The following CCDC6 variants were observed in gnomAD, a reference collection of about 807,000 sequenced individuals.
The protein encoded by CCDC6 is coiled-coil domain containing 6, also known as coiled-coil domain-containing protein 6.
A neutral mutation model predicts 56.6 loss-of-function variants in CCDC6; 20 were observed. That is an observed-to-expected ratio of 0.35 (90% CI 0.25 to 0.51). The LOEUF is 0.51. Ranked by LOEUF, CCDC6 falls within the 20% of genes least tolerant of loss-of-function variation. The probability of loss-of-function intolerance (pLI) is 0.95; values close to 1 mark genes in which losing one functional copy is unlikely to be tolerated. For missense variants in CCDC6, 367 were observed against 601.1 expected, an observed-to-expected ratio of 0.61 and a Z score of 4.07; for synonymous variants, 241 against 234.4, an observed-to-expected ratio of 1.03 and a Z score of -0.26.
At chr10:59,894,699 AAGGCTATG>A (rs1157446343) in intron 1 of CCDC6, among the ~76,000 whole-genome samples, 1 of 152,132 alleles carries the variant, frequency 6.6e-6, no homozygotes, top group Non-Finnish European at 1.5e-5. Flanking sequence ...GGGAATCCAT[AAGGCTATG>A]CCATGTGAAG....
At chr10:59,858,882 A>G (rs1489541145) in intron 1 of CCDC6, among the ~76,000 whole-genome samples, 1 of 152,130 alleles carries the variant, frequency 6.6e-6, no homozygotes, top group Admixed American at 6.5e-5. Flanking sequence ...CACCCTTTAG[A>G]GGAGGTTTAT....
intron 2 of CCDC6, among the ~76,000 whole-genome samples, chr10:59,843,564 C>A (rs761764423): frequency 6.6e-6 from 1 of 152,116 alleles, no homozygotes; most frequent in South Asian, 2.1e-4. Context: ...GAAGAATCTG[C>A]GAAGTCCATT....
At chr10:59,867,199 A>G (rs1296296278) in intron 1 of CCDC6, among the ~76,000 whole-genome samples, 1 of 152,136 alleles carries the variant, frequency 6.6e-6, no homozygotes, top group Admixed American at 6.5e-5. Flanking sequence ...GCCAACCTGG[A>G]GGTTCACATC....
In CCDC6 at chr10:59,788,991, T is replaced by C. The variant is rs2070443438; in HGVS notation, c.*3926A>G. ...CACAGATATGCAGAGGCAAAAGGCA[T>C]GCTAGCGCTTGGCTCTCCTCTTTTC... is the stretch of plus-strand genomic sequence containing the variant. On this transcript the variant is annotated 3_prime_UTR_variant, in exon 9 of 9. Transcript: ENST00000263102. The C allele has an allele frequency of 1.8e-5, 4 of 219,838 alleles. No individual in the cohort carries two copies. In the South Asian group the frequency reaches 5.6e-4, roughly 31 times the overall value. The allele number at this position is 219,838 out of a possible 1,614,324, so 13.6% of individuals were successfully genotyped here. A position where few individuals can be genotyped will look rare whatever the true frequency, so the allele number is the denominator to read the frequency against.
Position 59,808,209 on chromosome 10 carries a change from G to A in CCDC6, c.848-1131C>T, listed in dbSNP as rs1179634460. Among the ~76,000 whole-genome samples the A allele has an allele frequency of 2.0e-5, 3 of 152,062 alleles. No individual in the cohort carries two copies. The East Asian group carries it at 5.8e-4, about 29-fold the overall frequency. ...TGACTAGCCCTGGCACTAGCTGTTG[G>A]ACCCAGGCTGAGCCACTTAGACTAC... On this transcript the variant is annotated intron_variant, in intron 5 of 8. Transcript: ENST00000263102.
intron 1 of CCDC6, among the ~76,000 whole-genome samples, chr10:59,890,798 T>C (rs922379274): frequency 6.6e-6 from 1 of 152,176 alleles, no homozygotes; most frequent in African/African-American, 2.4e-5. Context: ...TTGTTGCATA[T>C]GTATACATGT....
chr10:59,806,629 T>TA, intron 6 of CCDC6: 1 of 321,594 alleles, frequency 3.1e-6, no homozygotes, highest in Non-Finnish European at 5.8e-6. Flanking sequence ...TGGATTAAAC[T>TA]AATTCAACAA....
At chr10:59,885,424 A>G (rs975110550) in intron 1 of CCDC6, among the ~76,000 whole-genome samples, 5 of 152,162 alleles carry the variant, frequency 3.3e-5, no homozygotes, top group Non-Finnish European at 7.3e-5. Context: ...TGGTCCCCCG[A>G]ATTTAAAAAC....
chr10:59,847,549 C>A (rs1380227056), intron 2 of CCDC6, among the ~76,000 whole-genome samples: 2 of 152,088 alleles, frequency 1.3e-5, no homozygotes, highest in Non-Finnish European at 2.9e-5. Flanking sequence ...GCACTGCTGC[C>A]CATGACAAAG....
At chr10:59,846,945 G>A (rs1043592979) in intron 2 of CCDC6, among the ~76,000 whole-genome samples, 1 of 152,206 alleles carries the variant, frequency 6.6e-6, no homozygotes, top group Non-Finnish European at 1.5e-5. Flanking sequence ...AAGCAGGTGG[G>A]AAAATCCACA....
intron 1 of CCDC6, among the ~76,000 whole-genome samples, chr10:59,905,883 C>G (rs745997521): frequency 3.3e-5 from 5 of 152,210 alleles, no homozygotes; most frequent in Non-Finnish European, 7.3e-5. Context: ...GAATGGTTGC[C>G]ACAGTAGCCT....
rs949631538 is a variant in CCDC6 at position 59,789,754 on chromosome 10, T to G, written c.*3163A>C. On this transcript the variant is annotated 3_prime_UTR_variant, in exon 9 of 9. Coordinates refer to ENST00000263102, the MANE Select transcript of CCDC6 (RefSeq NM_005436.5). ...GCTCTCAAAGCACAAGTTACTATGC[T>G]TTTTCTTGCCTTATTGGGCATTCTC... is the stretch of plus-strand genomic sequence containing the variant. The G allele has an allele frequency of 9.0e-6, 2 of 221,586 alleles. No homozygotes were observed. Among genetic ancestry groups the G allele is most frequent in the African/African-American group, 4.5e-5 (2 of 44,748 alleles). The allele number at this position is 221,586 out of a possible 1,614,324, so 13.7% of individuals were successfully genotyped here.
Position 59,794,430 on chromosome 10 carries a change from C to T in CCDC6, c.1230+43G>A, listed in dbSNP as rs758101437. The T allele has an allele frequency of 6.8e-6, 11 of 1,608,674 alleles. No individual in the cohort carries two copies. In the South Asian group the frequency reaches 8.8e-5, roughly 13 times the overall value. On this transcript the variant is annotated intron_variant, in intron 8 of 8. Coordinates refer to ENST00000263102, the MANE Select transcript of CCDC6 (RefSeq NM_005436.5). ...TTCTCCAGAACACCAGTCGGTACCA[C>T]TTTCAGGAGTAAAGTGCTGCTTCCT... is the stretch of plus-strand genomic sequence containing the variant.
chr10:59,891,146 A>G (rs993053716), intron 1 of CCDC6, among the ~76,000 whole-genome samples: 3 of 152,250 alleles, frequency 2.0e-5, no homozygotes, highest in African/African-American at 7.2e-5. Context: ...CATGTGGGAC[A>G]TATGTATACT....
Position 59,789,178 on chromosome 10 carries a change from TCAGACCGAGATGTA to T in CCDC6, c.*3725_*3738del. ...AACTTTGTTTTTGCCAGGATGAAGT[TCAGACCGAGATGTA>T]CAATACAATCTAGATGACGGTGCAG... On this transcript the variant is annotated 3_prime_UTR_variant, in exon 9 of 9. Coordinates refer to ENST00000263102, the MANE Select transcript of CCDC6 (RefSeq NM_005436.5). 4.3e-6 allele frequency: 1 copy of T among 230,830 alleles called. No homozygotes were observed. The allele number at this position is 230,830 out of a possible 1,614,324, so 14.3% of individuals were successfully genotyped here.
At chr10:59,876,682 T>A (rs541626952) in intron 1 of CCDC6, among the ~76,000 whole-genome samples, 1 of 148,950 alleles carries the variant, frequency 6.7e-6, no homozygotes, top group South Asian at 2.2e-4. Context: ...ACAGCACATA[T>A]ACAGAACTCT....
At chr10:59,799,628 A>G (rs1214509832) in intron 7 of CCDC6, among the ~76,000 whole-genome samples, 1 of 152,186 alleles carries the variant, frequency 6.6e-6, no homozygotes, top group African/African-American at 2.4e-5. Context: ...ATTGCTCTTG[A>G]TTCAGACCTC....
chr10:59,900,098 C>A (rs1469380531), intron 1 of CCDC6, among the ~76,000 whole-genome samples: 1 of 152,090 alleles, frequency 6.6e-6, no homozygotes, highest in Admixed American at 6.6e-5. Context: ...GTGTTTCTCA[C>A]ATGCCAAGCA....
intron 2 of CCDC6, among the ~76,000 whole-genome samples, chr10:59,835,410 T>C (rs2070873423): frequency 6.6e-6 from 1 of 151,840 alleles, no homozygotes; most frequent in South Asian, 2.1e-4. Context: ...AGACTATAGA[T>C]TGAACTAGTA....
Sources: allele counts gnomAD v4.1 joint callset (sites outside exome capture counted in the v4.1 genomes callset), GRCh38; gene constraint gnomAD v4.1.1; transcripts MANE v1.5; gene names NCBI Gene and HGNC (gene_info 2026-07-23, HGNC 2026-07-21).